Variants in MAPKAP1 observed in about 807,000 individuals in gnomAD.
MAPKAP1 encodes the protein MAPK associated protein 1, also known as target of rapamycin complex 2 subunit MAPKAP1.
Under a neutral mutation model 65.7 loss-of-function variants are expected in MAPKAP1, and 20 were observed. That is an observed-to-expected ratio of 0.30 (90% confidence interval 0.21 to 0.44). The LOEUF is 0.44. Among genes scored for constraint, MAPKAP1 ranks in the 20% least tolerant of loss-of-function variants. MAPKAP1 has a pLI of 1.00. For synonymous variants in MAPKAP1, 222 were observed against 244.3 expected (o/e 0.91, Z 0.85); for missense variants, 423 against 648.0 (o/e 0.65, Z 3.77).
chr9:125,529,526 A>G (rs576901604), intron 7 of MAPKAP1, among the ~76,000 whole-genome samples: 39 of 152,126 alleles, frequency 2.6e-4, no homozygotes, highest in Non-Finnish European at 4.7e-4. Flanking sequence ...GAAAAGAAAA[A>G]AAAAGGCGAA....
chr9:125,698,262 A>T (rs1474888525), intron 1 of MAPKAP1, among the ~76,000 whole-genome samples: 3 of 108,624 alleles, frequency 2.8e-5, no homozygotes, highest in African/African-American at 9.6e-5. Context: ...ATAATTTATA[A>T]ATATATATAA....
chr9:125,678,404 G>A (rs1467432756), intron 1 of MAPKAP1, among the ~76,000 whole-genome samples: 1 of 151,868 alleles, frequency 6.6e-6, no homozygotes, highest in Non-Finnish European at 1.5e-5. Flanking sequence ...CACCACGCCT[G>A]GCTAATTTTT....
At chr9:125,444,815 C>T (rs1277138881) in intron 10 of MAPKAP1, among the ~76,000 whole-genome samples, 1 of 152,152 alleles carries the variant, frequency 6.6e-6, no homozygotes, top group African/African-American at 2.4e-5. Context: ...GGTCCCATTC[C>T]ACTCTGGAAT....
At chr9:125,629,342 G>T (rs1380465072) in intron 4 of MAPKAP1, among the ~76,000 whole-genome samples, 1 of 152,168 alleles carries the variant, frequency 6.6e-6, no homozygotes, top group Non-Finnish European at 1.5e-5. Flanking sequence ...GCCAAGAAGT[G>T]AAAACCTAAA....
chr9:125,613,477 C>A (rs1832660409), intron 4 of MAPKAP1, among the ~76,000 whole-genome samples: 1 of 152,170 alleles, frequency 6.6e-6, no homozygotes, highest in Non-Finnish European at 1.5e-5. Flanking sequence ...CCCCCTTACC[C>A]TAACTTGGGA....
Position 125,672,487 on chromosome 9 carries a change from C to G in MAPKAP1, c.88G>C (p.Val30Leu). 1 of 1,614,160 alleles carries G rather than the reference C, an allele frequency of 6.2e-7. No homozygotes were observed. Among genetic ancestry groups the G allele is most frequent in the Non-Finnish European group, 8.5e-7 (1 of 1,180,014 alleles). Reference protein sequence around the residue: ...TSDDTGMCEMVLIDHDVDLEK... With the variant: ...TSDDTGMCEMLLIDHDVDLEK... ...AGGTCAACATCATGATCAATGAGAA[C>G]CATCTCACACATTCCCGTGTCATCA... The change falls in exon 2 of 12, where the codon GTT becomes CTT. Residue 30 changes from valine to leucine, a missense_variant. By Grantham distance (32) the Val-to-Leu change is conservative (BLOSUM62 1). Around this residue, in one of 6 missense-constraint regions of MAPKAP1, gnomAD observed 58 missense variants for 56.9 expected, o/e 1.02. Coordinates refer to ENST00000265960, the MANE Select transcript of MAPKAP1 (RefSeq NM_001006617.3).
chr9:125,640,191 C>T (rs773557846), intron 4 of MAPKAP1, among the ~76,000 whole-genome samples: 18 of 152,238 alleles, frequency 1.2e-4, no homozygotes, highest in Non-Finnish European at 2.2e-4. Flanking sequence ...GCAAGCTCTG[C>T]CTCCTGAGTT....
Position 125,529,177 on chromosome 9 carries a change from GAAAA to G in MAPKAP1, c.958+13878_958+13881del, listed in dbSNP as rs764136309. ...CAAAATGAGTGAAACTCTATCTCAG[GAAAA>G]AAAAAAAAAAAAAAAGAAAGAAAGA... On this transcript the variant is annotated intron_variant, in intron 7 of 11. Coordinates refer to ENST00000265960, the MANE Select transcript of MAPKAP1 (RefSeq NM_001006617.3). Among the ~76,000 whole-genome samples the G allele has an allele frequency of 1.3e-4, 13 of 99,746 alleles. No individual in the cohort carries two copies. In the East Asian group the frequency reaches 3.9e-3, roughly 30 times the overall value. The allele number at this position is 99,746 out of a possible 152,430, so 65.4% of individuals were successfully genotyped here.
At chr9:125,510,710 G>A (rs897242260) in intron 7 of MAPKAP1, among the ~76,000 whole-genome samples, 2 of 152,188 alleles carry the variant, frequency 1.3e-5, no homozygotes, top group Non-Finnish European at 2.9e-5. Context: ...AGGCAGGGTG[G>A]TTAAGCTGCA....
At chr9:125,537,985 A>C (rs866697908) in intron 7 of MAPKAP1, among the ~76,000 whole-genome samples, 29 of 152,084 alleles carry the variant, frequency 1.9e-4, no homozygotes, top group Middle Eastern at 3.4e-3. Flanking sequence ...CCTGATCTGT[A>C]TCCCTCTGTC....
chr9:125,475,691 T>G (rs1328111154), intron 9 of MAPKAP1, among the ~76,000 whole-genome samples: 2 of 151,986 alleles, frequency 1.3e-5, no homozygotes, highest in Non-Finnish European at 2.9e-5. Context: ...TTTGAATGAG[T>G]GCTAAGTTCT....
chr9:125,657,798 G>A lies in MAPKAP1; in HGVS notation c.351C>T (p.Ala117=), dbSNP rs887036865. The change falls in exon 4 of 12, where the codon GCC becomes GCT. Residue 117 remains alanine, a splice_region_variant and synonymous_variant. Coordinates refer to ENST00000265960, the MANE Select transcript of MAPKAP1 (RefSeq NM_001006617.3). ...QWKERNSKQS[A]QELKSLFEKK... ...TTTCAAACAGTGACTTTAACTCCTG[G>A]GCTGTGATACAAGAGGAAGAAAAAC... 13 of 1,612,112 alleles carry A rather than the reference G, an allele frequency of 8.1e-6. No homozygotes were observed. Among genetic ancestry groups the A allele is most frequent in the Non-Finnish European group, 9.3e-6 (11 of 1,179,430 alleles).
Position 125,502,713 on chromosome 9 carries a change from A to G in MAPKAP1, c.1066+3597T>C, listed in dbSNP as rs564288462. Reference sequence around the variant, plus strand: ...CTTTATTGCTTAGCATATGGTCAATATTGGTAAATGTTCATGTGTGATTGC... The same window carrying G: ...CTTTATTGCTTAGCATATGGTCAATGTTGGTAAATGTTCATGTGTGATTGC... On this transcript the variant is annotated intron_variant, in intron 8 of 11. Transcript: ENST00000265960. Among the ~76,000 whole-genome samples the G allele has an allele frequency of 2.6e-5, 4 of 152,292 alleles. No individual in the cohort carries two copies. The South Asian group carries it at 8.3e-4, about 32-fold the overall frequency.
Position 125,698,295 on chromosome 9 carries a change from ATAT to A in MAPKAP1, c.-70+8673_-70+8675del, listed in dbSNP as rs1835469858. On this transcript the variant is annotated intron_variant, in intron 1 of 11. Transcript: ENST00000265960. ...TAATACATAATATATATAAATATAT[ATAT>A]ATATATATATATATATATATATATA... Among the ~76,000 whole-genome samples the A allele has an allele frequency of 6.1e-4, 4 of 6,588 alleles. No individual in the cohort carries two copies. The South Asian group carries it at 0.012, about 20-fold the overall frequency. The allele number at this position is 6,588 out of a possible 152,430, so 4.3% of individuals were successfully genotyped here. A position where few individuals can be genotyped will look rare whatever the true frequency, so the allele number is the denominator to read the frequency against.
At chr9:125,461,936 A>G (rs1336115423) in intron 10 of MAPKAP1, among the ~76,000 whole-genome samples, 1 of 152,118 alleles carries the variant, frequency 6.6e-6, no homozygotes, top group Non-Finnish European at 1.5e-5. Context: ...AGGGCTGTAG[A>G]TATCCACCTG....
At chr9:125,528,443 C>T (rs926934213) in intron 7 of MAPKAP1, among the ~76,000 whole-genome samples, 17 of 152,296 alleles carry the variant, frequency 1.1e-4, no homozygotes, top group Middle Eastern at 3.4e-3. Flanking sequence ...TTAGGAGATG[C>T]GTGGAAACGA....
chr9:125,626,814 T>A (rs1833132343), intron 4 of MAPKAP1, among the ~76,000 whole-genome samples: 1 of 152,240 alleles, frequency 6.6e-6, no homozygotes. Flanking sequence ...CAGAGAGGTG[T>A]GATTAATATT....
At chr9:125,698,815 T>G (rs1266707945) in intron 1 of MAPKAP1, among the ~76,000 whole-genome samples, 10 of 152,122 alleles carry the variant, frequency 6.6e-5, no homozygotes, top group Admixed American at 5.9e-4. Context: ...AGCAGATCAA[T>G]TCACATAATA....
intron 5 of MAPKAP1, among the ~76,000 whole-genome samples, chr9:125,579,570 G>C (rs1277047852): frequency 6.6e-6 from 1 of 152,200 alleles, no homozygotes; most frequent in Non-Finnish European, 1.5e-5. Flanking sequence ...TGGGATTACA[G>C]GTGTGAGCAA....
Sources: allele counts gnomAD v4.1 joint callset (sites outside exome capture counted in the v4.1 genomes callset), GRCh38; gene constraint gnomAD v4.1.1; regional missense constraint gnomAD v4.1.1; transcripts MANE v1.5; gene names NCBI Gene and HGNC (gene_info 2026-07-23, HGNC 2026-07-21).